The following CPNE5 variants were observed in gnomAD, a reference collection of about 807,000 sequenced individuals.
CPNE5 encodes the protein copine 5.
In CPNE5, 42 loss-of-function variants were observed where a neutral mutation model predicts 81.1. The observed-to-expected ratio is 0.52, with a 90% CI of 0.40 to 0.67. CPNE5 has a LOEUF of 0.67. Ranked by LOEUF, CPNE5 falls within the 30% of genes least tolerant of loss-of-function variation. The pLI, the probability that CPNE5 is intolerant of heterozygous loss-of-function variation, is 0.00. For missense variants in CPNE5, 612 were observed against 815.5 expected (o/e 0.75, Z 3.04); for synonymous variants, 313 against 321.5 (o/e 0.97, Z 0.28).
At chr6:36,747,220 C>T (rs934305153) in intron 15 of CPNE5, among the ~76,000 whole-genome samples, 1 of 151,236 alleles carries the variant, frequency 6.6e-6, no homozygotes, top group African/African-American at 2.4e-5. Flanking sequence ...CAGCCTCCCC[C>T]AATCCTTCCT....
In CPNE5 at chr6:36,827,577, C is replaced by T. The variant is rs137889251; in HGVS notation, c.96-4479G>A. The T allele has an allele frequency of 2.8e-3, 2,782 of 985,384 alleles. 3 individuals carry two copies. Among genetic ancestry groups the T allele is most frequent in the African/African-American group, 4.1e-3 (236 of 57,324 alleles). 61.0% of individuals were successfully genotyped at this position (985,384 alleles called of 1,614,324 possible). On this transcript the variant is annotated intron_variant, in intron 1 of 20. Transcript: ENST00000244751. ...CGTCTCTTAGGGCCTCAGTTTCCCCCGCTGCAAAGGCACAGACCACAACAC... is the reference window on the plus strand; with the variant it reads ...CGTCTCTTAGGGCCTCAGTTTCCCCTGCTGCAAAGGCACAGACCACAACAC...
chr6:36,746,272 T>C lies in CPNE5; in HGVS notation c.1200+124A>G. The stretch of plus-strand genomic sequence containing the variant: ...GCCCCCCTACACACAGCAGGCAGTC[T>C]ACCTCCACTGAGGCTGAGCCTTAAG... On this transcript the variant is annotated intron_variant, in intron 16 of 20. Coordinates refer to ENST00000244751, the MANE Select transcript of CPNE5 (RefSeq NM_020939.2). The surrounding 1 kb of genome is among the most constrained non-coding windows in gnomAD (Gnocchi z 4.5). 6.9e-7 allele frequency: 1 copy of C among 1,445,922 alleles called. No individual in the cohort carries two copies. 89.6% of individuals were successfully genotyped at this position (1,445,922 alleles called of 1,614,324 possible).
chr6:36,780,690 C>T (rs1421186667), intron 8 of CPNE5, among the ~76,000 whole-genome samples: 1 of 152,218 alleles, frequency 6.6e-6, no homozygotes, highest in Non-Finnish European at 1.5e-5. Flanking sequence ...CAGCACCTCA[C>T]TTGCCTTCCC....
intron 11 of CPNE5, among the ~76,000 whole-genome samples, chr6:36,764,765 G>A (rs236429): frequency 6.6e-6 from 1 of 151,908 alleles, no homozygotes; most frequent in Non-Finnish European, 1.5e-5. Context: ...CTCACGCCTC[G>A]TAGCTCTCCC....
intron 17 of CPNE5, 103 bp from the exon 18 acceptor site, chr6:36,745,253 G>A (rs1326447753): frequency 2.1e-6 from 3 of 1,420,382 alleles, no homozygotes; most frequent in Non-Finnish European, 1.9e-6. Flanking sequence ...AGCTCTTGGG[G>A]GAATCTCTTC....
At chr6:36,782,706 AT>A (rs111892099) in intron 8 of CPNE5, among the ~76,000 whole-genome samples, 6,695 of 152,262 alleles carry the variant, frequency 0.044, 195 homozygotes, top group East Asian at 0.12. Context: ...AGGCAGGAGA[AT>A]CGCTAGAACC....
At chr6:36,817,963 C>T (rs990165774) in intron 3 of CPNE5, among the ~76,000 whole-genome samples, 1 of 152,170 alleles carries the variant, frequency 6.6e-6, no homozygotes, top group Admixed American at 6.5e-5. Context: ...ACCCCATCCA[C>T]CCCTTTATTA....
intron 1 of CPNE5, among the ~76,000 whole-genome samples, chr6:36,826,217 G>A (rs1429955410): frequency 6.6e-6 from 1 of 152,050 alleles, no homozygotes; most frequent in Non-Finnish European, 1.5e-5. Context: ...CAAGTAGATG[G>A]GGCTTTCCCT....
intron 10 of CPNE5, 117 bp from the exon 11 acceptor site, chr6:36,765,493 A>C: frequency 2.4e-6 from 3 of 1,229,816 alleles, no homozygotes; most frequent in Non-Finnish European, 2.3e-6. Flanking sequence ...TCTGGGCCCC[A>C]GGGCCCTGGG....
At chr6:36,776,895 A>G (rs1767554337) in intron 9 of CPNE5, among the ~76,000 whole-genome samples, 1 of 152,080 alleles carries the variant, frequency 6.6e-6, no homozygotes, top group African/African-American at 2.4e-5. Flanking sequence ...TTTCCCGGCA[A>G]ACCCTCAGTG....
intron 13 of CPNE5, chr6:36,754,963 C>G (rs1369373232): frequency 1.3e-5 from 2 of 152,190 alleles, no homozygotes; most frequent in Non-Finnish European, 2.9e-5. Context: ...CTAAGAAACA[C>G]CGCAGCCTTG....
chr6:36,806,558 A>T (rs1180572087), intron 3 of CPNE5, among the ~76,000 whole-genome samples: 1 of 152,076 alleles, frequency 6.6e-6, no homozygotes, highest in Non-Finnish European at 1.5e-5. Context: ...TCCCTTGTGG[A>T]TTTCCCCAAG....
intron 3 of CPNE5, among the ~76,000 whole-genome samples, chr6:36,809,564 C>T (rs1770910621): frequency 6.6e-6 from 1 of 151,632 alleles, no homozygotes; most frequent in African/African-American, 2.4e-5. Flanking sequence ...CGACAGAGCA[C>T]GACGCTGTCT....
intron 1 of CPNE5, among the ~76,000 whole-genome samples, chr6:36,824,349 G>A (rs1772323150): frequency 6.6e-6 from 1 of 152,180 alleles, no homozygotes; most frequent in Non-Finnish European, 1.5e-5. Flanking sequence ...GGGCCGCCAG[G>A]AGACCTACCC....
Position 36,746,305 on chromosome 6 carries a change from G to C in CPNE5, c.1200+91C>G. The C allele has an allele frequency of 4.7e-6, 7 of 1,483,276 alleles. No homozygotes were observed. Among genetic ancestry groups the C allele is most frequent in the South Asian group, 2.7e-5 (2 of 74,796 alleles). 91.9% of individuals were successfully genotyped at this position (1,483,276 alleles called of 1,614,324 possible). A position where few individuals can be genotyped will look rare whatever the true frequency, so the allele number is the denominator to read the frequency against. On this transcript the variant is annotated intron_variant, in intron 16 of 20. Coordinates refer to ENST00000244751, the MANE Select transcript of CPNE5 (RefSeq NM_020939.2). This position sits in a 1 kb window ranked among gnomAD's most constrained non-coding sequence, Gnocchi z 4.5. ...CTGAGGCTGAGCCTTAAGTCCCCGGGCTCAGAGGAAGGGAAACGTCCCCCC... is the reference window on the plus strand; with the variant it reads ...CTGAGGCTGAGCCTTAAGTCCCCGGCCTCAGAGGAAGGGAAACGTCCCCCC...
intron 3 of CPNE5, among the ~76,000 whole-genome samples, chr6:36,819,134 G>A (rs760868860): frequency 1.1e-4 from 16 of 152,052 alleles, no homozygotes; most frequent in Admixed American, 2.0e-4. Flanking sequence ...ACAGGGTCTC[G>A]CTCTGTCAAC....
chr6:36,758,372 G>A (rs1226444741), intron 12 of CPNE5, among the ~76,000 whole-genome samples: 1 of 151,594 alleles, frequency 6.6e-6, no homozygotes, highest in Non-Finnish European at 1.5e-5. Flanking sequence ...TCAACCTCCC[G>A]GGCTCAAGCA....
chr6:36,781,968 C>T (rs1768068928), intron 8 of CPNE5, among the ~76,000 whole-genome samples: 1 of 152,276 alleles, frequency 6.6e-6, no homozygotes, highest in East Asian at 1.9e-4. Flanking sequence ...AGTCCTGGCT[C>T]TGCATAGCCT....
chr6:36,760,425 G>A (rs1765911993), intron 12 of CPNE5, among the ~76,000 whole-genome samples: 1 of 152,242 alleles, frequency 6.6e-6, no homozygotes, highest in South Asian at 2.1e-4. Flanking sequence ...AAGCAGGGGA[G>A]CGATGTGATC....
Sources: allele counts gnomAD v4.1 joint callset (sites outside exome capture counted in the v4.1 genomes callset), GRCh38; gene constraint gnomAD v4.1.1; non-coding constraint Gnocchi (gnomAD v3.1); transcripts MANE v1.5; gene names NCBI Gene and HGNC (gene_info 2026-07-23, HGNC 2026-07-21).